Variants in INSL6 observed in about 807,000 individuals in gnomAD.
The protein encoded by INSL6 is insulin-like peptide INSL6.
Under a neutral mutation model 9.4 loss-of-function variants are expected in INSL6, and 16 were observed. The observed-to-expected ratio is 1.70, with a 90% CI of 1.15 to 2.59. The LOEUF is 2.59. Among genes scored for constraint, INSL6 ranks in the 30% most tolerant of loss-of-function variants. The pLI is 0.00. For missense variants in INSL6, 391 were observed against 257.3 expected (o/e 1.52, Z -3.56); for synonymous variants, 154 against 96.9 (o/e 1.59, Z -3.46).
the INSL6 span, chr9:5,110,866 G>C: frequency 2.0e-6 from 1 of 501,138 alleles, no homozygotes; most frequent in South Asian, 1.7e-5. Context: ...ATGCCGCCGC[G>C]CCCAGCAGGG....
chr9:5,141,642 C>A (rs577341593), intron 2 of INSL6, among the ~76,000 whole-genome samples: 441 of 152,272 alleles, frequency 2.9e-3, no homozygotes, highest in African/African-American at 0.01. Context: ...GCATAGTTTG[C>A]AGAAATTCTC....
rs939426270 is a variant in INSL6, at chr9:5,166,364, G to C, written c.290-2099C>G. 3.3e-5 allele frequency among the ~76,000 whole-genome samples: 5 copies of C among 152,098 alleles called. No homozygotes were observed. In the East Asian group the frequency reaches 5.8e-4, roughly 18 times the overall value. On this transcript the variant is annotated intron_variant, in intron 1 of 1. Coordinates refer to ENST00000381641, the MANE Select transcript of INSL6 (RefSeq NM_007179.3). ...GGTGAATCTATATTCTTTGCAGTTA[G>C]AGGCCTATTAGAGCACTCTTTAATA...
At chr9:5,184,514 A>C (rs1466124936) in intron 1 of INSL6, among the ~76,000 whole-genome samples, 1 of 152,254 alleles carries the variant, frequency 6.6e-6, no homozygotes, top group Non-Finnish European at 1.5e-5. Context: ...CATATTAAAC[A>C]CATGCGATGT....
chr9:4,995,134 A>G, the INSL6 span, among the ~76,000 whole-genome samples: 2 of 152,236 alleles, frequency 1.3e-5, no homozygotes, highest in African/African-American at 4.8e-5. Flanking sequence ...CGTGAAAAAT[A>G]GAATCTCATT....
chr9:5,030,009 C>T, the INSL6 span: 1 of 922,914 alleles, frequency 1.1e-6, no homozygotes, highest in Non-Finnish European at 1.6e-6. Flanking sequence ...GATACCTGAA[C>T]CAATTAGTTA....
chr9:5,123,847 C>G (rs1332543860), downstream of INSL6, among the ~76,000 whole-genome samples: 1 of 151,024 alleles, frequency 6.6e-6, no homozygotes, highest in African/African-American at 2.4e-5. Flanking sequence ...TTTTTCCATT[C>G]TGACTGGAGT....
the INSL6 span, chr9:5,090,358 T>C: frequency 8.3e-6 from 8 of 961,556 alleles, no homozygotes; most frequent in Non-Finnish European, 1.1e-5. Flanking sequence ...TTCATATATG[T>C]TTAAGTCATT....
chr9:5,102,327 G>A, the INSL6 span, among the ~76,000 whole-genome samples: 1 of 152,082 alleles, frequency 6.6e-6, no homozygotes, highest in South Asian at 2.1e-4. Flanking sequence ...AAAGCGAGAG[G>A]AGAAGTTTAG....
the INSL6 span, chr9:5,097,846 G>C: frequency 6.6e-6 from 1 of 152,170 alleles, no homozygotes; most frequent in Non-Finnish European, 1.5e-5. Flanking sequence ...CTTTACCACT[G>C]GTTCCCCCAT....
chr9:5,155,246 G>C (rs1564044622), intron 2 of INSL6, among the ~76,000 whole-genome samples: 1 of 149,768 alleles, frequency 6.7e-6, no homozygotes. Context: ...AACACTGCAT[G>C]TTCTCACTCC....
chr9:5,089,583 A>G, the INSL6 span: 1 of 376,606 alleles, frequency 2.7e-6, no homozygotes, highest in Non-Finnish European at 4.6e-6. Flanking sequence ...TGCTAATTCC[A>G]GCTACTAGAA....
At chr9:5,077,707 T>G in the INSL6 span, 1 of 521,454 alleles carries the variant, frequency 1.9e-6, no homozygotes. Context: ...ATAGTCTGTG[T>G]TAGGTGATAA....
chr9:5,158,947 A>G (rs969937572), downstream of INSL6, among the ~76,000 whole-genome samples: 3 of 152,164 alleles, frequency 2.0e-5, no homozygotes, highest in Admixed American at 1.3e-4. Context: ...TTTTCAAGAC[A>G]GACAGTATAA....
rs1157454272 is a variant in INSL6 at position 5,185,397 on chromosome 9, G to C, written c.206C>G (p.Ser69Trp). Residue 69 changes from serine (S) to tryptophan (W), a missense_variant, in exon 1 of 2, where the codon TCG becomes TGG. Coordinates refer to ENST00000381641, the MANE Select transcript of INSL6 (RefSeq NM_007179.3). Reference protein sequence around the residue: ...TPFSRLIAQASEKVEAYSPYQ... With the variant: ...TPFSRLIAQAWEKVEAYSPYQ... ...TGGGCTGTAGGCTTCGACCTTCTCC[G>C]AGGCCTGTGCAATCAACCGTGAGAA... 1.9e-6 allele frequency: 3 copies of C among 1,614,122 alleles called. No homozygotes were observed. Among genetic ancestry groups the C allele is most frequent in the Non-Finnish European group, 2.5e-6 (3 of 1,180,032 alleles).
the INSL6 span, among the ~76,000 whole-genome samples, chr9:5,116,209 C>T: frequency 2.6e-5 from 4 of 152,080 alleles, no homozygotes; most frequent in Non-Finnish European, 5.9e-5. Context: ...GAATAGCTTA[C>T]CCAAGGTGGC....
the INSL6 span, among the ~76,000 whole-genome samples, chr9:5,063,813 A>T: frequency 6.6e-6 from 1 of 152,228 alleles, no homozygotes; most frequent in Non-Finnish European, 1.5e-5. Flanking sequence ...ATATTTTCCC[A>T]TGTAAGTAAC....
At chr9:5,167,418 A>G (rs1197674659) in intron 1 of INSL6, among the ~76,000 whole-genome samples, 2 of 152,200 alleles carry the variant, frequency 1.3e-5, no homozygotes, top group Non-Finnish European at 2.9e-5. Context: ...TCTTCAGTCC[A>G]CCGTTTTCCC....
At chr9:5,090,366 A>G in the INSL6 span, 2 of 1,056,312 alleles carry the variant, frequency 1.9e-6, no homozygotes, top group Non-Finnish European at 2.6e-6. Flanking sequence ...TGTTTAAGTC[A>G]TTTATGTATG....
At chr9:5,080,892 C>CTTTTTTTTTTTTTTTT in the INSL6 span, among the ~76,000 whole-genome samples, 1 of 95,616 alleles carries the variant, frequency 1.0e-5, no homozygotes, top group African/African-American at 4.6e-5. Flanking sequence ...AAGACCTTTT[C>CTTTTTTTTTTTTTTTT]TTTTTTTTTT....
Sources: allele counts gnomAD v4.1 joint callset (sites outside exome capture counted in the v4.1 genomes callset), GRCh38; gene constraint gnomAD v4.1.1; transcripts MANE v1.5; gene names NCBI Gene and HGNC (gene_info 2026-07-23, HGNC 2026-07-21).